AHCTF1: variants seen among roughly 807,000 people sequenced by gnomAD.
AHCTF1 encodes protein ELYS.
In AHCTF1, 24 loss-of-function variants were observed where a neutral mutation model predicts 248.4. That is an observed-to-expected ratio of 0.10 (90% CI 0.07 to 0.14). The LOEUF is 0.14. Ranked by LOEUF, AHCTF1 falls within the 10% of genes least tolerant of loss-of-function variation. AHCTF1 has a pLI of 1.00. For synonymous variants in AHCTF1, 786 were observed against 929.8 expected, an observed-to-expected ratio of 0.85 and a Z score of 2.81; for missense variants, 2,206 against 2,636.2, an observed-to-expected ratio of 0.84 and a Z score of 3.57.
At chr1:246,872,066 AAAAAG>A in intron 24 of AHCTF1, among the ~76,000 whole-genome samples, 1 of 151,372 alleles carries the variant, frequency 6.6e-6, no homozygotes, top group Admixed American at 6.6e-5. Flanking sequence ...AAAAAAAAAA[AAAAAG>A]AACCTAGATT....
intron 12 of AHCTF1, among the ~76,000 whole-genome samples, chr1:246,897,271 G>A (rs1050759936): frequency 7.9e-5 from 12 of 152,086 alleles, no homozygotes; most frequent in African/African-American, 2.4e-5. Flanking sequence ...CCAAGATCAC[G>A]TCACTGCACT....
intron 12 of AHCTF1, among the ~76,000 whole-genome samples, chr1:246,897,615 T>A (rs1572432991): frequency 6.6e-6 from 1 of 152,210 alleles, no homozygotes; most frequent in African/African-American, 2.4e-5. Flanking sequence ...GTTACTGTGC[T>A]GAATACTGTA....
rs1285333698 is a variant in AHCTF1, at chr1:246,928,097, C to A, written c.-8+3481G>T. Among the ~76,000 whole-genome samples the A allele has an allele frequency of 1.3e-5, 2 of 151,876 alleles. 1 individual carries two copies. Among genetic ancestry groups the A allele is most frequent in the Middle Eastern group, 6.3e-3 (2 of 316 alleles). On this transcript the variant is annotated intron_variant, in intron 1 of 35. Coordinates refer to ENST00000648844, the MANE Select transcript of AHCTF1 (RefSeq NM_001323342.2). ...CAGGTGGATCACGAGGTCAGGAGAT[C>A]GAGACCATCCTGGCTAACACGGTGA...
intron 1 of AHCTF1, among the ~76,000 whole-genome samples, chr1:246,919,703 C>CAAAA (rs11396118): frequency 7.3e-6 from 1 of 137,690 alleles, no homozygotes. Context: ...GACTCCATCT[C>CAAAA]AAAAAAAAAA....
chr1:246,888,824 C>A (rs915579638), intron 17 of AHCTF1, among the ~76,000 whole-genome samples: 11 of 152,108 alleles, frequency 7.2e-5, no homozygotes, highest in African/African-American at 2.4e-4. Context: ...GAAGGAGGAT[C>A]GTTGGAGCCC....
At chr1:246,859,467 C>A (rs1477442531) in intron 29 of AHCTF1, among the ~76,000 whole-genome samples, 1 of 152,180 alleles carries the variant, frequency 6.6e-6, no homozygotes, top group Non-Finnish European at 1.5e-5. Context: ...GGTGCCATTT[C>A]TACTTGACTC....
chr1:246,842,856 T>C, intron 34 of AHCTF1, 80 bp from the exon 35 acceptor site: 1 of 1,280,592 alleles, frequency 7.8e-7, no homozygotes, highest in Non-Finnish European at 1.1e-6. Context: ...CAAGGAATAC[T>C]AGAGCCAAAC....
At chr1:246,855,905 C>G (rs1215280308) in intron 30 of AHCTF1, 78 bp from the exon 31 acceptor site, 1 of 991,680 alleles carries the variant, frequency 1.0e-6, no homozygotes, top group Non-Finnish European at 1.5e-6. Flanking sequence ...TACCACCTAA[C>G]CTGTCATTTT....
rs766497607 is a variant in AHCTF1, at chr1:246,900,031, T to G, written c.1432+34A>C. On this transcript the variant is annotated intron_variant, in intron 10 of 35. Coordinates refer to ENST00000648844, the MANE Select transcript of AHCTF1 (RefSeq NM_001323342.2). The stretch of plus-strand genomic sequence containing the variant: ...ACATTTACATACTTTTGTGCATTAC[T>G]TTTCTTAAGAGGTAATGTTAAGGAA... The G allele has an allele frequency of 2.6e-6, 4 of 1,560,514 alleles. No individual in the cohort carries two copies. The Admixed American group carries it at 5.9e-5, about 23-fold the overall frequency.
intron 12 of AHCTF1, among the ~76,000 whole-genome samples, chr1:246,896,746 T>G (rs1045071079): frequency 8.5e-5 from 13 of 152,324 alleles, no homozygotes; most frequent in African/African-American, 3.1e-4. Context: ...GCTGATATTT[T>G]GAAAATCACT....
chr1:246,893,396 T>C (rs1664353602), intron 14 of AHCTF1, among the ~76,000 whole-genome samples: 1 of 152,236 alleles, frequency 6.6e-6, no homozygotes, highest in Non-Finnish European at 1.5e-5. Flanking sequence ...AAGCTATCTA[T>C]AGTCAAATCA....
Position 246,916,337 on chromosome 1 carries a change from T to C in AHCTF1, c.180A>G (p.Ile60Met), listed in dbSNP as rs1325131778. 1.9e-6 allele frequency: 3 copies of C among 1,610,268 alleles called. No homozygotes were observed. The South Asian group carries it at 3.3e-5, about 18-fold the overall frequency. Residue 60 changes from isoleucine (I) to methionine (M), a missense_variant, in exon 3 of 36, where the codon ATA (isoleucine) becomes ATG (methionine). Ile to Met is a conservative substitution (Grantham distance 10). This residue lies in a region of AHCTF1 where 69 missense variants were observed against 85.4 expected (regional missense o/e 0.81). Coordinates refer to ENST00000648844, the MANE Select transcript of AHCTF1 (RefSeq NM_001323342.2). ...TGTAAGCAGACAATCGCTCTCCTGT[T>C]ATAGAGTTTACTACCTCAAGTTGTG... Reference protein sequence around the residue: ...CGPQLEVVNSITGERLSAYRF... With the variant: ...CGPQLEVVNSMTGERLSAYRF...
Position 246,890,825 on chromosome 1 carries a change from G to A in AHCTF1, c.2050+131C>T, listed in dbSNP as rs190143995. On this transcript the variant is annotated intron_variant, in intron 16 of 35. Coordinates refer to ENST00000648844, the MANE Select transcript of AHCTF1 (RefSeq NM_001323342.2). ...GAAAAATGTAAGAAAAGAAGGTTAA[G>A]CATAAATTAAATTAAGGAGAAAAAT... is the stretch of plus-strand genomic sequence containing the variant. The A allele has an allele frequency of 8.1e-4, 431 of 532,094 alleles. 2 individuals are homozygous for A. The highest frequency in any genetic ancestry group is 7.8e-3 in the African/African-American group (395 of 50,636). The allele number at this position is 532,094 out of a possible 1,614,324, so 33.0% of individuals were successfully genotyped here.
chr1:246,861,899 G>A, intron 28 of AHCTF1, 60 bp downstream of exon 28: 2 of 1,395,698 alleles, frequency 1.4e-6, no homozygotes, highest in Admixed American at 4.2e-5. Flanking sequence ...CTTTTTACTT[G>A]TCAGAGCTAA....
At chr1:246,880,294 G>A (rs1663303009) in intron 21 of AHCTF1, among the ~76,000 whole-genome samples, 1 of 151,594 alleles carries the variant, frequency 6.6e-6, no homozygotes, top group Non-Finnish European at 1.5e-5. Context: ...GCAGGGTGTG[G>A]TGGCTCACGC....
intron 33 of AHCTF1, among the ~76,000 whole-genome samples, chr1:246,845,056 T>C (rs1294738307): frequency 6.6e-6 from 1 of 152,214 alleles, no homozygotes; most frequent in Non-Finnish European, 1.5e-5. Context: ...GGGTAGGTGG[T>C]AAGTGCTCTA....
intron 14 of AHCTF1, 48 bp from the exon 15 acceptor site, chr1:246,891,967 T>A (rs768921798): frequency 3.3e-6 from 5 of 1,535,986 alleles, no homozygotes; most frequent in Admixed American, 2.4e-5. Flanking sequence ...TAAATCTAAA[T>A]AAATTAGAAT....
rs1303070979 is a variant in AHCTF1 at position 246,863,975 on chromosome 1, G to A, written c.3489C>T (p.Ala1163=). 1.9e-6 allele frequency: 3 copies of A among 1,614,096 alleles called. No individual in the cohort carries two copies. The highest frequency in any genetic ancestry group is 1.7e-5 in the Admixed American group (1 of 60,008). Reference sequence around the variant, plus strand: ...AATGTAATTCTGAAGCCCTGGAGATGGCCTGAGGCGATCCTTTTAATTGCG... The same window carrying A: ...AATGTAATTCTGAAGCCCTGGAGATAGCCTGAGGCGATCCTTTTAATTGCG... ...SSSQLKGSPQ[A]ISRASELHLL... is the part of the protein sequence containing the mutation. Residue 1163 remains alanine, a synonymous_variant, in exon 27 of 36, where the codon GCC becomes GCT. Coordinates refer to ENST00000648844, the MANE Select transcript of AHCTF1 (RefSeq NM_001323342.2).
chr1:246,876,421 A>G (rs1662971354), intron 23 of AHCTF1, among the ~76,000 whole-genome samples: 1 of 152,220 alleles, frequency 6.6e-6, no homozygotes, highest in African/African-American at 2.4e-5. Context: ...ATTAATAAAA[A>G]CAATGGTTAT....
Sources: allele counts gnomAD v4.1 joint callset (sites outside exome capture counted in the v4.1 genomes callset), GRCh38; gene constraint gnomAD v4.1.1; regional missense constraint gnomAD v4.1.1; transcripts MANE v1.5; gene names NCBI Gene and HGNC (gene_info 2026-07-23, HGNC 2026-07-21).